Variants in ARHGAP5 observed in about 807,000 individuals in gnomAD.
The protein encoded by ARHGAP5 is rho GTPase-activating protein 5.
A neutral mutation model predicts 116.6 loss-of-function variants in ARHGAP5; 23 were observed. The ratio of observed to expected loss-of-function variants is 0.20; its 90% confidence interval spans 0.14 to 0.28. The LOEUF is 0.28. ARHGAP5 is among the 10% of genes least tolerant of loss of function. The probability of loss-of-function intolerance (pLI) is 1.00; values close to 1 mark genes in which losing one functional copy is unlikely to be tolerated. For synonymous variants in ARHGAP5, 574 were observed against 602.0 expected, an observed-to-expected ratio of 0.95 and a Z score of 0.68; for missense variants, 1,405 against 1,774.8, an observed-to-expected ratio of 0.79 and a Z score of 3.74.
chr14:32,117,721 T>C (rs1276287492), intron 3 of ARHGAP5, among the ~76,000 whole-genome samples: 1 of 152,242 alleles, frequency 6.6e-6, no homozygotes, highest in Non-Finnish European at 1.5e-5. Flanking sequence ...AAAAGGCAGC[T>C]TGTTCTATTT....
At chr14:32,149,601 T>C (rs752020042) in intron 4 of ARHGAP5, among the ~76,000 whole-genome samples, 1 of 151,914 alleles carries the variant, frequency 6.6e-6, no homozygotes, top group Non-Finnish European at 1.5e-5. Context: ...TGAAACCCCA[T>C]GTCTACTAAA....
At chr14:32,142,928 C>T (rs1594391715) in intron 3 of ARHGAP5, among the ~76,000 whole-genome samples, 1 of 152,134 alleles carries the variant, frequency 6.6e-6, no homozygotes, top group South Asian at 2.1e-4. Flanking sequence ...GACATCACTC[C>T]CCATGGACAC....
chr14:32,098,813 G>A (rs1878654356), intron 2 of ARHGAP5, among the ~76,000 whole-genome samples: 1 of 152,202 alleles, frequency 6.6e-6, no homozygotes, highest in South Asian at 2.1e-4. Flanking sequence ...AAGGAGAGAC[G>A]AGAATGCAGA....
intron 2 of ARHGAP5, among the ~76,000 whole-genome samples, chr14:32,096,982 C>A (rs1019311356): frequency 6.6e-6 from 1 of 152,174 alleles, no homozygotes; most frequent in Non-Finnish European, 1.5e-5. Flanking sequence ...GCAGCACAAC[C>A]TGATTTGGCC....
intron 1 of ARHGAP5, among the ~76,000 whole-genome samples, chr14:32,090,291 T>C (rs1348768151): frequency 1.3e-5 from 2 of 151,982 alleles, no homozygotes; most frequent in African/African-American, 4.8e-5. Flanking sequence ...TGAGACATTA[T>C]GTTAGATTTT....
chr14:32,104,498 C>T (rs1352533179), intron 2 of ARHGAP5, among the ~76,000 whole-genome samples: 1 of 152,058 alleles, frequency 6.6e-6, no homozygotes, highest in African/African-American at 2.4e-5. Context: ...TGTAAGTTTT[C>T]TGAAGTGTGT....
intron 3 of ARHGAP5, among the ~76,000 whole-genome samples, chr14:32,139,284 A>T (rs1880973010): frequency 6.6e-6 from 1 of 152,066 alleles, no homozygotes; most frequent in Non-Finnish European, 1.5e-5. Context: ...GAGATCAATT[A>T]TTGTTAATAC....
At chr14:32,153,673 AT>A (rs1881762526) in intron 6 of ARHGAP5, among the ~76,000 whole-genome samples, 1 of 151,624 alleles carries the variant, frequency 6.6e-6, no homozygotes, top group Non-Finnish European at 1.5e-5. Flanking sequence ...GGGTTTCATC[AT>A]GTTGGCCAAG....
chr14:32,150,044 ACCT>A lies in ARHGAP5; in HGVS notation c.4075+15_4075+17del, dbSNP rs763384054. On this transcript the variant is annotated intron_variant, in intron 5 of 6. Transcript: ENST00000345122. ...TATTGGAAGCAGCAAGTAAGTATAAACCTCCTTTTTATGAGAGGGATGATAATG... is the reference window on the plus strand; with the variant it reads ...TATTGGAAGCAGCAAGTAAGTATAAACCTTTTTATGAGAGGGATGATAATG... The A allele has an allele frequency of 1.3e-6, 2 of 1,562,254 alleles. No homozygotes were observed. Among genetic ancestry groups the A allele is most frequent in the Non-Finnish European group, 8.6e-7 (1 of 1,159,590 alleles).
In ARHGAP5 at chr14:32,093,705, A is replaced by G. The variant is rs1176403171; in HGVS notation, c.3036A>G (p.Leu1012=). The change falls in exon 2 of 7, where the codon TTA becomes TTG. Residue 1012 remains leucine (L), a synonymous_variant. Transcript: ENST00000345122. Reference sequence around the variant, plus strand: ...CTAGTGACCGTTCCAGATATAGATTAGATTTGGAAGGAAATGAGTATCCTA... The same window carrying G: ...CTAGTGACCGTTCCAGATATAGATTGGATTTGGAAGGAAATGAGTATCCTA... ...PTPSDRSRYR[L]DLEGNEYPIH... is the part of the protein sequence containing the mutation. 1.2e-6 allele frequency: 2 copies of G among 1,614,116 alleles called. No homozygotes were observed. The highest frequency in any genetic ancestry group is 2.2e-5 in the South Asian group (2 of 91,080).
chr14:32,101,664 A>T (rs1365072779), intron 2 of ARHGAP5, among the ~76,000 whole-genome samples: 2 of 151,998 alleles, frequency 1.3e-5, no homozygotes, highest in Non-Finnish European at 2.9e-5. Context: ...AAAAAAAAAA[A>T]AAACTGGGTG....
chr14:32,121,056 C>T (rs1289190240), intron 3 of ARHGAP5, among the ~76,000 whole-genome samples: 1 of 113,778 alleles, frequency 8.8e-6, no homozygotes, highest in Non-Finnish European at 1.7e-5. Context: ...CTCTCTCTAA[C>T]ACCCAGGCTG....
chr14:32,091,113 A>T lies in ARHGAP5; in HGVS notation c.444A>T (p.Gln148His). The T allele has an allele frequency of 6.2e-7, 1 of 1,613,684 alleles. No individual in the cohort carries two copies. ...LGLEQDFEQK[Q>H]MPEGKLNVDG... is the part of the protein sequence containing the mutation. ...TAGAACAAGACTTTGAACAGAAGCA[A>T]ATGCCTGAAGGGAAGCTCAACGTAG... Residue 148 changes from glutamine to histidine, a missense_variant, in exon 2 of 7, where the codon CAA becomes CAT. By Grantham distance (24) the Gln-to-His change is conservative. Around this residue, in one of 6 missense-constraint regions of ARHGAP5, gnomAD observed 190 missense variants for 314.9 expected, o/e 0.60. Transcript: ENST00000345122.
chr14:32,123,702 TCTC>T (rs1880004059), intron 3 of ARHGAP5, among the ~76,000 whole-genome samples: 1 of 152,262 alleles, frequency 6.6e-6, no homozygotes, highest in East Asian at 1.9e-4. Context: ...GCTCGGTGCT[TCTC>T]CTTGGCTGGT....
chr14:32,103,119 T>C (rs917667593), intron 2 of ARHGAP5, among the ~76,000 whole-genome samples: 1 of 152,238 alleles, frequency 6.6e-6, no homozygotes, highest in Non-Finnish European at 1.5e-5. Context: ...GTTAACTAGA[T>C]CTGTGATGTT....
chr14:32,115,320 C>A (rs1227335504), intron 2 of ARHGAP5, among the ~76,000 whole-genome samples: 1 of 152,130 alleles, frequency 6.6e-6, no homozygotes, highest in African/African-American at 2.4e-5. Context: ...TGTCTTTTTA[C>A]TATCCTGAAA....
intron 4 of ARHGAP5, among the ~76,000 whole-genome samples, chr14:32,148,163 A>AATCAATCTATCT (rs1555359598): frequency 6.8e-6 from 1 of 147,438 alleles, no homozygotes; most frequent in Non-Finnish European, 1.5e-5. Context: ...AAAAAAAAGA[A>AATCAATCTATCT]ATCTATCTAT....
intron 2 of ARHGAP5, among the ~76,000 whole-genome samples, chr14:32,100,850 T>G (rs1270172778): frequency 6.6e-6 from 1 of 152,224 alleles, no homozygotes; most frequent in East Asian, 1.9e-4. Context: ...GCTTGAAATT[T>G]CCTGAGAAAA....
rs774585057 is a variant in ARHGAP5, at chr14:32,091,802, T to G, written c.1133T>G (p.Phe378Cys). 1.2e-6 allele frequency: 2 copies of G among 1,613,622 alleles called. No individual in the cohort carries two copies. Among genetic ancestry groups the G allele is most frequent in the Non-Finnish European group, 8.5e-7 (1 of 1,179,652 alleles). Reference sequence around the variant, plus strand: ...AAGAGAGCAGATTTCCAGTTATGTTTTGTGGTGCTAGAAAAAACTCCTTGG... The same window carrying G: ...AAGAGAGCAGATTTCCAGTTATGTTGTGTGGTGCTAGAAAAAACTCCTTGG... ...MEKRADFQLCFVVLEKTPWDE... is the reference protein window; with the variant it reads ...MEKRADFQLCCVVLEKTPWDE... The change falls in exon 2 of 7, where the codon TTT (phenylalanine) becomes TGT (cysteine). Residue 378 changes from phenylalanine to cysteine, a missense_variant. Transcript: ENST00000345122.
Sources: gnomAD v4.1 joint callset for allele counts (sites outside exome capture counted in the v4.1 genomes callset) on GRCh38, gnomAD v4.1.1 for gene constraint, gnomAD v4.1.1 regional missense constraint, MANE v1.5 for transcripts, NCBI Gene and HGNC (gene_info 2026-07-23, HGNC 2026-07-21) for gene names.